Variants in MAGI2 observed in about 807,000 individuals in gnomAD.
MAGI2 encodes the protein membrane-associated guanylate kinase, WW and PDZ domain-containing protein 2.
A neutral mutation model predicts 133.3 loss-of-function variants in MAGI2; 35 were observed. The observed-to-expected ratio is 0.26, with a 90% CI of 0.20 to 0.35. The LOEUF (loss-of-function observed/expected upper bound fraction) is 0.35, where lower values mean the gene tolerates loss of function less well. Among genes scored for constraint, MAGI2 ranks in the 10% least tolerant of loss-of-function variants. The pLI, the probability that MAGI2 is intolerant of heterozygous loss-of-function variation, is 1.00. For missense variants in MAGI2, 1,636 were observed against 1,863.4 expected (o/e 0.88, Z 2.25); for synonymous variants, 729 against 710.6 (o/e 1.03, Z -0.41).
chr7:78,995,226 G>T (rs1020632457), intron 2 of MAGI2, among the ~76,000 whole-genome samples: 5 of 152,040 alleles, frequency 3.3e-5, no homozygotes, highest in Non-Finnish European at 7.4e-5. Context: ...ACAAGTTTGT[G>T]TTGGGCTGCA....
chr7:78,170,788 T>C (rs961749746), intron 14 of MAGI2: 1 of 151,498 alleles, frequency 6.6e-6, no homozygotes, highest in East Asian at 1.9e-4. Flanking sequence ...ATAACACAAG[T>C]ATAAATTATA....
rs575351507 is a variant in MAGI2 at position 78,767,455 on chromosome 7, CAGT to C, written c.419-140219_419-140217del. 2.4e-3 allele frequency among the ~76,000 whole-genome samples: 358 copies of C among 151,840 alleles called. 3 individuals carry two copies. The Middle Eastern group carries it at 0.024, about 10-fold the overall frequency. On this transcript the variant is annotated intron_variant, in intron 2 of 21. Coordinates refer to ENST00000354212, the MANE Select transcript of MAGI2 (RefSeq NM_012301.4). ...ACTAAGAGCAAAAGCTGATTGCAGA[CAGT>C]AGAAGAAAAATGTTCCTGAAATTGA...
intron 12 of MAGI2, among the ~76,000 whole-genome samples, chr7:78,188,361 G>C (rs1422657792): frequency 6.6e-6 from 1 of 152,084 alleles, no homozygotes; most frequent in Non-Finnish European, 1.5e-5. Context: ...TGATATATTA[G>C]AAAATCCAGC....
At chr7:79,222,646 A>T (rs1830525156) in intron 1 of MAGI2, among the ~76,000 whole-genome samples, 1 of 151,950 alleles carries the variant, frequency 6.6e-6, no homozygotes, top group African/African-American at 2.4e-5. Flanking sequence ...TTAATGGCCC[A>T]TTCTGGTCTT....
intron 2 of MAGI2, among the ~76,000 whole-genome samples, chr7:78,894,729 T>C (rs1377277314): frequency 1.3e-5 from 2 of 152,108 alleles, no homozygotes; most frequent in African/African-American, 4.8e-5. Flanking sequence ...ACAAATCCAA[T>C]AATATATTTT....
chr7:79,018,531 A>G (rs534742947), intron 1 of MAGI2, among the ~76,000 whole-genome samples: 102 of 152,338 alleles, frequency 6.7e-4, no homozygotes, highest in African/African-American at 2.4e-3. Context: ...TGACAGGATC[A>G]AATCCACACA....
At chr7:79,030,047 T>A (rs1016668444) in intron 1 of MAGI2, among the ~76,000 whole-genome samples, 1 of 152,166 alleles carries the variant, frequency 6.6e-6, no homozygotes, top group Non-Finnish European at 1.5e-5. Context: ...CCACCCCCAC[T>A]GAGGAGTATG....
At chr7:79,244,955 A>G (rs1832715738) in intron 1 of MAGI2, among the ~76,000 whole-genome samples, 1 of 152,196 alleles carries the variant, frequency 6.6e-6, no homozygotes, top group Non-Finnish European at 1.5e-5. Flanking sequence ...CTGTTCCTCT[A>G]GTTCCTCTTC....
At chr7:79,058,486 G>A (rs1813378073) in intron 1 of MAGI2, among the ~76,000 whole-genome samples, 1 of 152,086 alleles carries the variant, frequency 6.6e-6, no homozygotes, top group Non-Finnish European at 1.5e-5. Flanking sequence ...AAGCATCAAA[G>A]GTAGAGCACT....
At chr7:78,481,296 T>C (rs1488085435) in intron 6 of MAGI2, among the ~76,000 whole-genome samples, 2 of 151,926 alleles carry the variant, frequency 1.3e-5, no homozygotes, top group African/African-American at 4.8e-5. Context: ...ACATCTTACA[T>C]GGCGACAGGT....
chr7:78,985,489 T>C (rs924003633), intron 2 of MAGI2, among the ~76,000 whole-genome samples: 3 of 151,966 alleles, frequency 2.0e-5, no homozygotes, highest in Non-Finnish European at 2.9e-5. Flanking sequence ...CTATGAACAA[T>C]AAAAGAGAGT....
At chr7:79,173,851 T>C (rs954646411) in intron 1 of MAGI2, among the ~76,000 whole-genome samples, 8 of 152,040 alleles carry the variant, frequency 5.3e-5, no homozygotes, top group African/African-American at 1.4e-4. Context: ...TTCCTTAACA[T>C]ATACCAGAAT....
intron 1 of MAGI2, among the ~76,000 whole-genome samples, chr7:79,363,885 A>G (rs185384328): frequency 5.2e-4 from 79 of 151,990 alleles, no homozygotes; most frequent in Non-Finnish European, 7.4e-4. Flanking sequence ...TCCCACAAAT[A>G]TGTACAAATA....
In MAGI2 at chr7:78,500,073, A is replaced by G. The variant is rs568198186; in HGVS notation, c.965+1504T>C. ...GAACATTTGCTGAAAGGTGAATGCT[A>G]TTGATTCATTTTCTGCAAAACATTG... On this transcript the variant is annotated intron_variant, in intron 5 of 21. Transcript: ENST00000354212. Among the ~76,000 whole-genome samples the G allele has an allele frequency of 3.3e-5, 5 of 152,290 alleles. No individual in the cohort carries two copies. The South Asian group carries it at 1.0e-3, about 32-fold the overall frequency.
At chr7:78,209,021 G>C (rs954012801) in intron 10 of MAGI2, among the ~76,000 whole-genome samples, 5 of 150,230 alleles carry the variant, frequency 3.3e-5, no homozygotes, top group African/African-American at 1.2e-4. Flanking sequence ...AGGAGATCGA[G>C]ACCATCTGGG....
At chr7:78,176,284 T>C (rs1826594252) in intron 14 of MAGI2, among the ~76,000 whole-genome samples, 1 of 152,142 alleles carries the variant, frequency 6.6e-6, no homozygotes, top group South Asian at 2.1e-4. Flanking sequence ...ATCTGGCCAA[T>C]CCTCCTTGGC....
At chr7:78,108,223 T>C (rs1412719855) in intron 20 of MAGI2, among the ~76,000 whole-genome samples, 1 of 152,202 alleles carries the variant, frequency 6.6e-6, no homozygotes, top group Non-Finnish European at 1.5e-5. Flanking sequence ...TTAATTTTTG[T>C]ATTTACCCAC....
intron 1 of MAGI2, among the ~76,000 whole-genome samples, chr7:79,019,513 C>T (rs931734610): frequency 6.6e-6 from 1 of 151,984 alleles, no homozygotes; most frequent in Non-Finnish European, 1.5e-5. Context: ...ATAAATGACC[C>T]AATCTTGGGT....
At chr7:79,007,067 T>C in intron 2 of MAGI2, 23 bp downstream of exon 2, 1 of 1,460,160 alleles carries the variant, frequency 6.8e-7, no homozygotes, top group East Asian at 2.3e-5. Context: ...CATAAAAATA[T>C]TAATACTGCC....
Sources: allele counts gnomAD v4.1 joint callset (sites outside exome capture counted in the v4.1 genomes callset), GRCh38; gene constraint gnomAD v4.1.1; transcripts MANE v1.5; gene names NCBI Gene and HGNC (gene_info 2026-07-23, HGNC 2026-07-21).